Variants in COPG2 observed in about 807,000 individuals in gnomAD.
COPG2 encodes coat protein complex I subunit gamma 2.
In COPG2, 37 loss-of-function variants were observed where a neutral mutation model predicts 46.3. That is an observed-to-expected ratio of 0.80 (90% CI 0.61 to 1.05). COPG2 has a LOEUF of 1.05. Among genes scored for constraint, COPG2 ranks in the 50% least tolerant of loss-of-function variants. COPG2 has a pLI of 0.00. For missense variants in COPG2, 427 were observed against 387.8 expected, an observed-to-expected ratio of 1.10 and a Z score of -0.85; for synonymous variants, 159 against 129.7, an observed-to-expected ratio of 1.23 and a Z score of -1.53.
intron 3 of COPG2, among the ~76,000 whole-genome samples, chr7:130,664,221 T>C (rs1796032245): frequency 6.6e-6 from 1 of 152,224 alleles, no homozygotes; most frequent in Admixed American, 6.5e-5. Flanking sequence ...TTACACTCAA[T>C]CACTTTTCAG....
intron 5 of COPG2, among the ~76,000 whole-genome samples, chr7:130,637,722 CTGCCAA>C (rs1358858300): frequency 3.3e-5 from 5 of 152,206 alleles, no homozygotes; most frequent in African/African-American, 1.2e-4. Context: ...AAGCCTACTT[CTGCCAA>C]TTTGTCAAAC....
intron 20 of COPG2, among the ~76,000 whole-genome samples, chr7:130,530,309 G>A (rs1365736245): frequency 6.6e-6 from 1 of 152,040 alleles, no homozygotes; most frequent in Non-Finnish European, 1.5e-5. Context: ...AGGAGGTGAG[G>A]AAATGAGGAA....
chr7:130,665,082 A>G (rs1796047705), intron 3 of COPG2, among the ~76,000 whole-genome samples: 1 of 115,736 alleles, frequency 8.6e-6, no homozygotes, highest in Admixed American at 9.4e-5. Flanking sequence ...TCAGGAGGCT[A>G]AAGTAGGAGA....
At chr7:130,611,760 G>A (rs1794853409) in intron 8 of COPG2, among the ~76,000 whole-genome samples, 1 of 152,006 alleles carries the variant, frequency 6.6e-6, no homozygotes, top group African/African-American at 2.4e-5. Context: ...AGCTCTTTTT[G>A]ACAAAATGGT....
chr7:130,636,331 G>A (rs1206883104), intron 5 of COPG2, among the ~76,000 whole-genome samples: 3 of 152,034 alleles, frequency 2.0e-5, no homozygotes, highest in Non-Finnish European at 4.4e-5. Flanking sequence ...ATTATTGTGT[G>A]GGAGTCTAGG....
chr7:130,610,726 A>G, intron 9 of COPG2: 1 of 644,132 alleles, frequency 1.6e-6, no homozygotes, highest in South Asian at 1.7e-5. Flanking sequence ...TTTGTTCAAT[A>G]TCAGTTTGTT....
intron 20 of COPG2, among the ~76,000 whole-genome samples, chr7:130,526,778 G>A (rs1383623036): frequency 1.4e-5 from 2 of 147,022 alleles, no homozygotes; most frequent in African/African-American, 2.5e-5. Context: ...TTGCAAAGGT[G>A]TGAATCTTGG....
In COPG2 at chr7:130,568,324, T is replaced by C. The variant is rs1029033415; in HGVS notation, c.738-3931A>G. On this transcript the variant is annotated intron_variant, in intron 9 of 23. Transcript: ENST00000425248. ...GTCCGCTGTCTTAAAGAGACTCATCTAACACATAAGGACTCACATAAACTT... is the reference window on the plus strand; with the variant it reads ...GTCCGCTGTCTTAAAGAGACTCATCCAACACATAAGGACTCACATAAACTT... 6.3e-3 allele frequency among the ~76,000 whole-genome samples: 964 copies of C among 152,244 alleles called. 7 individuals are homozygous for C. The highest frequency in any genetic ancestry group is 0.022 in the African/African-American group (912 of 41,548).
intron 20 of COPG2, among the ~76,000 whole-genome samples, chr7:130,526,711 G>A (rs1477583185): frequency 6.6e-6 from 1 of 151,768 alleles, no homozygotes; most frequent in African/African-American, 2.4e-5. Context: ...GAAAGTATAA[G>A]AGGGGTGGAC....
rs1239832689 is a variant in COPG2, at chr7:130,585,419, T to A, written c.738-21026A>T. On this transcript the variant is annotated intron_variant, in intron 9 of 23. Transcript: ENST00000425248. ...CACATTGGCTTAGGCAAGCATTTAA[T>A]GATCAAGAACCCAAAAGCAAATGCA... 2.0e-5 allele frequency among the ~76,000 whole-genome samples: 3 copies of A among 152,062 alleles called. No individual in the cohort carries two copies. The East Asian group carries it at 5.8e-4, about 29-fold the overall frequency.
intron 9 of COPG2, among the ~76,000 whole-genome samples, chr7:130,583,943 C>A (rs1338658604): frequency 6.6e-6 from 1 of 150,670 alleles, no homozygotes; most frequent in Non-Finnish European, 1.5e-5. Context: ...AAAGAAGCAA[C>A]CCTCCCGAAC....
At chr7:130,608,205 T>C in intron 9 of COPG2, 1 of 466,844 alleles carries the variant, frequency 2.1e-6, no homozygotes, top group Non-Finnish European at 4.3e-6. Context: ...AATAATATAC[T>C]ACTGCATGAT....
At chr7:130,603,264 A>G (rs1475066440) in intron 9 of COPG2, among the ~76,000 whole-genome samples, 1 of 152,228 alleles carries the variant, frequency 6.6e-6, no homozygotes, top group Non-Finnish European at 1.5e-5. Flanking sequence ...AAATGGAACT[A>G]TATAAAATGT....
chr7:130,660,485 C>T (rs1795956199), intron 4 of COPG2, among the ~76,000 whole-genome samples: 1 of 152,158 alleles, frequency 6.6e-6, no homozygotes, highest in East Asian at 1.9e-4. Context: ...TCCCATAACC[C>T]TCATACCACC....
chr7:130,525,265 G>A (rs1799762731), intron 20 of COPG2, among the ~76,000 whole-genome samples: 2 of 152,160 alleles, frequency 1.3e-5, no homozygotes, highest in Admixed American at 6.5e-5. Context: ...GGGGAATGCA[G>A]AGTTCTCAAA....
chr7:130,607,963 T>C (rs1339223316), intron 9 of COPG2, among the ~76,000 whole-genome samples: 1 of 152,206 alleles, frequency 6.6e-6, no homozygotes, highest in African/African-American at 2.4e-5. Context: ...GTTATCTTCA[T>C]TTTGGGAAGG....
chr7:130,631,760 T>C (rs1328944147), intron 5 of COPG2, among the ~76,000 whole-genome samples: 1 of 152,122 alleles, frequency 6.6e-6, no homozygotes, highest in East Asian at 1.9e-4. Context: ...CTTTAAGCAG[T>C]CAATTAACTT....
At chr7:130,556,499 T>G (rs1793629247) in intron 12 of COPG2, among the ~76,000 whole-genome samples, 1 of 152,162 alleles carries the variant, frequency 6.6e-6, no homozygotes, top group Admixed American at 6.5e-5. Context: ...ATATACAGTT[T>G]CAGAGCATAG....
In COPG2 at chr7:130,613,440, A is replaced by G. The variant is rs1057098032; in HGVS notation, c.492+104T>C. The G allele has an allele frequency of 3.6e-5, 28 of 769,756 alleles. 1 individual carries two copies. The South Asian group carries it at 4.0e-4, about 11-fold the overall frequency. The allele number at this position is 769,756 out of a possible 1,614,324, so 47.7% of individuals were successfully genotyped here. A position where few individuals can be genotyped will look rare whatever the true frequency, so the allele number is the denominator to read the frequency against. On this transcript the variant is annotated intron_variant, in intron 7 of 23. Transcript: ENST00000425248. ...TGGATAAAGTAATAGAGGTGTATAC[A>G]TATTTTTAACTGTTTCATTTGTGAG...
Sources: gnomAD v4.1 joint callset for allele counts (sites outside exome capture counted in the v4.1 genomes callset) on GRCh38, gnomAD v4.1.1 for gene constraint, MANE v1.5 for transcripts, NCBI Gene and HGNC (gene_info 2026-07-23, HGNC 2026-07-21) for gene names.